The following PTPN13 variants were observed in gnomAD, a reference collection of about 807,000 sequenced individuals.
PTPN13 encodes protein tyrosine phosphatase non-receptor type 13.
PTPN13 carries 191 observed loss-of-function variants against 284.0 expected under a neutral mutation model. The observed-to-expected ratio is 0.67, with a 90% CI of 0.60 to 0.76. The LOEUF (loss-of-function observed/expected upper bound fraction) is 0.76, where lower values mean the gene tolerates loss of function less well. Among genes scored for constraint, PTPN13 ranks in the 30% least tolerant of loss-of-function variants. PTPN13 has a pLI of 0.00. For missense variants in PTPN13, 2,797 were observed against 2,939.9 expected (o/e 0.95, Z 1.12); for synonymous variants, 986 against 1,022.3 (o/e 0.96, Z 0.68).
At chr4:86,665,015 C>G (rs975241721) in intron 2 of PTPN13, among the ~76,000 whole-genome samples, 6 of 152,048 alleles carry the variant, frequency 3.9e-5, no homozygotes, top group Non-Finnish European at 5.9e-5. Context: ...ATCACTTAAG[C>G]CTTGTTACTT....
chr4:86,629,077 A>G (rs1285756213), intron 1 of PTPN13, among the ~76,000 whole-genome samples: 1 of 151,770 alleles, frequency 6.6e-6, no homozygotes, highest in Non-Finnish European at 1.5e-5. Flanking sequence ...CAATGGCAAC[A>G]AAAGCCAAAA....
At chr4:86,753,570 T>C (rs561515994) in intron 20 of PTPN13, among the ~76,000 whole-genome samples, 3 of 152,178 alleles carry the variant, frequency 2.0e-5, no homozygotes, top group Non-Finnish European at 4.4e-5. Flanking sequence ...TTTAATCTTA[T>C]GCTAAATATT....
rs753440360 is a variant in PTPN13, at chr4:86,745,109, C to A, written c.2631C>A (p.Asn877Lys). 1 of 1,610,066 alleles carries A rather than the reference C, an allele frequency of 6.2e-7. No homozygotes were observed. The highest frequency in any genetic ancestry group is 8.5e-7 in the Non-Finnish European group (1 of 1,178,528). The change falls in exon 17 of 48, where the codon AAC becomes AAA. Residue 877 changes from asparagine (N) to lysine (K), a missense_variant. By Grantham distance (94) the Asn-to-Lys change is moderately conservative. Transcript: ENST00000411767. The part of the protein sequence containing the change: ...FQLQMRARQS[N>K]QDAQDIERAS... ...TACAGATGAGAGCAAGACAGAGCAACCAAGATGCCCAAGATATTGGTAAGG... is the reference window on the plus strand; with the variant it reads ...TACAGATGAGAGCAAGACAGAGCAAACAAGATGCCCAAGATATTGGTAAGG...
At chr4:86,663,445 C>G (rs1010052068) in intron 2 of PTPN13, among the ~76,000 whole-genome samples, 5 of 152,204 alleles carry the variant, frequency 3.3e-5, no homozygotes, top group Non-Finnish European at 7.4e-5. Context: ...TCTTTGCGTC[C>G]CTGTGTCTTC....
At chr4:86,791,382 C>T (rs1312598658) in intron 40 of PTPN13, among the ~76,000 whole-genome samples, 1 of 152,216 alleles carries the variant, frequency 6.6e-6, no homozygotes, top group Non-Finnish European at 1.5e-5. Flanking sequence ...CGCAACTCAG[C>T]AAGGCCTACT....
At chr4:86,795,419 G>A (rs1450056948) in intron 40 of PTPN13, among the ~76,000 whole-genome samples, 2 of 152,156 alleles carry the variant, frequency 1.3e-5, no homozygotes, top group Non-Finnish European at 2.9e-5. Context: ...GGAGAAATAG[G>A]AACGCTTTTA....
intron 31 of PTPN13, among the ~76,000 whole-genome samples, chr4:86,772,036 C>G (rs2149276239): frequency 6.6e-6 from 1 of 152,312 alleles, no homozygotes; most frequent in Admixed American, 6.5e-5. Flanking sequence ...GTCTTTGTAT[C>G]TATCCACATC....
At chr4:86,787,299 C>A (rs1182787484) in intron 40 of PTPN13, among the ~76,000 whole-genome samples, 1 of 152,050 alleles carries the variant, frequency 6.6e-6, no homozygotes, top group South Asian at 2.1e-4. Flanking sequence ...ATCTTCAAAA[C>A]TGTTAAGTCC....
chr4:86,726,923 C>T (rs969357866), intron 10 of PTPN13, among the ~76,000 whole-genome samples: 1 of 149,368 alleles, frequency 6.7e-6, no homozygotes, highest in African/African-American at 2.4e-5. Context: ...AGTTTTTGTC[C>T]ATTTAGTATG....
Position 86,732,583 on chromosome 4 carries a change from C to G in PTPN13, c.1684-9C>G. The G allele has an allele frequency of 6.2e-7, 1 of 1,602,496 alleles. No homozygotes were observed. The highest frequency in any genetic ancestry group is 8.5e-7 in the Non-Finnish European group (1 of 1,174,314). The stretch of plus-strand genomic sequence containing the variant: ...TTTTAATAAATGCCGTTTATTTTTT[C>G]AATTGTAGACTAAGAAAGGGAAGAA... On this transcript the variant is annotated splice_polypyrimidine_tract_variant and intron_variant, in intron 11 of 47. Transcript: ENST00000411767.
intron 47 of PTPN13, among the ~76,000 whole-genome samples, chr4:86,813,890 G>A (rs896370701): frequency 6.6e-6 from 1 of 151,514 alleles, no homozygotes; most frequent in Non-Finnish European, 1.5e-5. Flanking sequence ...ACTTCAGTTA[G>A]CACTCTAGGA....
intron 1 of PTPN13, among the ~76,000 whole-genome samples, chr4:86,618,143 A>G (rs1055782663): frequency 1.2e-4 from 18 of 152,030 alleles, no homozygotes; most frequent in South Asian, 4.1e-4. Context: ...CTTTCTACAT[A>G]TGGCTAGCCA....
chr4:86,789,485 A>G (rs1742365889), intron 40 of PTPN13, among the ~76,000 whole-genome samples: 1 of 152,140 alleles, frequency 6.6e-6, no homozygotes, highest in South Asian at 2.1e-4. Flanking sequence ...TGCTATCACC[A>G]ACTTGAAGTT....
intron 28 of PTPN13, among the ~76,000 whole-genome samples, chr4:86,769,180 C>G (rs1025452699): frequency 6.6e-6 from 1 of 152,160 alleles, no homozygotes; most frequent in Non-Finnish European, 1.5e-5. Context: ...TACACCTCCC[C>G]AGAACATTAC....
At position 86,642,428 on chromosome 4, in the gene PTPN13, TTTC is replaced by T. The variant is rs1407878513; in HGVS notation, c.115+7078_115+7080del. On this transcript the variant is annotated intron_variant, in intron 2 of 47. Coordinates refer to ENST00000411767, the MANE Select transcript of PTPN13 (RefSeq NM_080683.3). ...GTATGCCTTTCAGTTCATCTTTTCTTTTCTTCTTCTTCTTCTTCTTCTTTTTTT... is the reference window on the plus strand; with the variant it reads ...GTATGCCTTTCAGTTCATCTTTTCTTTTCTTCTTCTTCTTCTTCTTTTTTT... Among the ~76,000 whole-genome samples the T allele has an allele frequency of 8.6e-3, 985 of 114,742 alleles. 444 individuals are homozygous for T. Among genetic ancestry groups the T allele is most frequent in the Middle Eastern group, 0.076 (12 of 158 alleles). 75.3% of individuals were successfully genotyped at this position (114,742 alleles called of 152,430 possible). A position where few individuals can be genotyped will look rare whatever the true frequency, so the allele number is the denominator to read the frequency against.
chr4:86,763,261 CACAATAATCT>C, intron 24 of PTPN13, 71 bp downstream of exon 24: 1 of 1,228,124 alleles, frequency 8.1e-7, no homozygotes, highest in Non-Finnish European at 1.2e-6. Flanking sequence ...AGTTACAGAG[CACAATAATCT>C]ACAAGATGCT....
chr4:86,709,178 C>T (rs1360872249), intron 7 of PTPN13, among the ~76,000 whole-genome samples: 2 of 152,042 alleles, frequency 1.3e-5, no homozygotes, highest in Admixed American at 1.3e-4. Context: ...ATTTATAGGC[C>T]ATTTTATATT....
At chr4:86,718,194 TTTAC>T (rs1408668767) in intron 9 of PTPN13, among the ~76,000 whole-genome samples, 1 of 152,168 alleles carries the variant, frequency 6.6e-6, no homozygotes, top group African/African-American at 2.4e-5. Context: ...TGCTTGAGAA[TTTAC>T]TTCTAAAATG....
chr4:86,679,171 CTCT>C (rs1394241496), intron 3 of PTPN13, among the ~76,000 whole-genome samples: 2 of 152,190 alleles, frequency 1.3e-5, no homozygotes, highest in African/African-American at 4.8e-5. Context: ...TTTGTGCATT[CTCT>C]TCTTTCAGCT....
Sources: gnomAD v4.1 joint callset for allele counts (sites outside exome capture counted in the v4.1 genomes callset) on GRCh38, gnomAD v4.1.1 for gene constraint, MANE v1.5 for transcripts, NCBI Gene and HGNC (gene_info 2026-07-23, HGNC 2026-07-21) for gene names.